DOK6: variants seen among roughly 807,000 people sequenced by gnomAD.
The protein encoded by DOK6 is docking protein 6.
DOK6 carries 22 observed loss-of-function variants against 44.0 expected under a neutral mutation model. The observed-to-expected ratio is 0.50, with a 90% CI of 0.36 to 0.71. The LOEUF (loss-of-function observed/expected upper bound fraction) is 0.71, where lower values mean the gene tolerates loss of function less well. Among genes scored for constraint, DOK6 ranks in the 30% least tolerant of loss-of-function variants. The pLI, the probability that DOK6 is intolerant of heterozygous loss-of-function variation, is 0.00. For missense variants in DOK6, 340 were observed against 416.4 expected, an observed-to-expected ratio of 0.82 and a Z score of 1.60; for synonymous variants, 166 against 145.5, an observed-to-expected ratio of 1.14 and a Z score of -1.01.
intron 1 of DOK6, among the ~76,000 whole-genome samples, chr18:69,546,162 A>G (rs1211472742): frequency 4.6e-5 from 7 of 150,950 alleles, no homozygotes; most frequent in Admixed American, 4.6e-4. Flanking sequence ...CTGTAATCCC[A>G]GCTACTTGGG....
chr18:69,667,551 C>G (rs188362594), intron 3 of DOK6, among the ~76,000 whole-genome samples: 26 of 152,282 alleles, frequency 1.7e-4, no homozygotes, highest in Non-Finnish European at 7.3e-5. Context: ...TAGCTATGCT[C>G]TCCAGGTTGG....
chr18:69,835,743 T>C (rs1982036913), intron 7 of DOK6, among the ~76,000 whole-genome samples: 1 of 152,216 alleles, frequency 6.6e-6, no homozygotes, highest in African/African-American at 2.4e-5. Flanking sequence ...CCTCATCAGA[T>C]GACTTTGTTA....
chr18:69,547,692 C>T lies in DOK6; in HGVS notation c.67-16795C>T, dbSNP rs182953478. On this transcript the variant is annotated intron_variant, in intron 1 of 7. Coordinates refer to ENST00000382713, the MANE Select transcript of DOK6 (RefSeq NM_152721.6). ...TTTGTACTCATTACAACCAATGTCT[C>T]TTCATCCACCCTCATCCATACACCC... Among the ~76,000 whole-genome samples the T allele has an allele frequency of 2.6e-5, 4 of 151,166 alleles. 1 individual carries two copies. Among genetic ancestry groups the T allele is most frequent in the Admixed American group, 2.6e-4 (4 of 15,130 alleles).
intron 2 of DOK6, among the ~76,000 whole-genome samples, chr18:69,587,790 C>CACACACACACACACAA (rs1983539601): frequency 6.6e-6 from 1 of 151,970 alleles, no homozygotes; most frequent in Admixed American, 6.6e-5. Context: ...CACACACACA[C>CACACACACACACACAA]ACACGAGAAG....
chr18:69,584,050 G>A (rs12960840), intron 2 of DOK6, among the ~76,000 whole-genome samples: 1 of 146,278 alleles, frequency 6.8e-6, no homozygotes, highest in Non-Finnish European at 1.5e-5. Flanking sequence ...GGAGCTTGCA[G>A]TGAGCCGAGA....
intron 1 of DOK6, among the ~76,000 whole-genome samples, chr18:69,549,981 A>G (rs943229415): frequency 6.6e-6 from 1 of 150,838 alleles, no homozygotes; most frequent in African/African-American, 2.4e-5. Context: ...CAGTTTTAAT[A>G]TACTTCCTAC....
chr18:69,667,079 C>A (rs758904836), intron 3 of DOK6, among the ~76,000 whole-genome samples: 9 of 152,120 alleles, frequency 5.9e-5, no homozygotes, highest in Non-Finnish European at 8.8e-5. Context: ...TTAATCTCAA[C>A]GTGCCCTTTA....
In DOK6 at chr18:69,579,573, T is replaced by C. The variant is rs187869947; in HGVS notation, c.174+14979T>C. 1.7e-3 allele frequency among the ~76,000 whole-genome samples: 254 copies of C among 150,550 alleles called. 2 individuals carry two copies. The highest frequency in any genetic ancestry group is 4.5e-3 in the African/African-American group (185 of 41,044). ...TGGGCCAAAAGAAGCCAACTTTTCT[T>C]TTTTTTTTTGAGACGGAGTCTTGCT... On this transcript the variant is annotated intron_variant, in intron 2 of 7. Transcript: ENST00000382713.
Position 69,577,715 on chromosome 18 carries a change from C to T in DOK6, c.174+13121C>T, listed in dbSNP as rs140638013. On this transcript the variant is annotated intron_variant, in intron 2 of 7. Transcript: ENST00000382713. ...ATGTTCTGGTTATGAATGGAAAACTCGAAACCAGAGATTAGCGAGAGGCAC... is the reference window on the plus strand; with the variant it reads ...ATGTTCTGGTTATGAATGGAAAACTTGAAACCAGAGATTAGCGAGAGGCAC... Among the ~76,000 whole-genome samples the T allele has an allele frequency of 3.4e-3, 523 of 152,212 alleles. 2 individuals carry two copies. The highest frequency in any genetic ancestry group is 0.012 in the African/African-American group (488 of 41,532).
chr18:69,532,708 A>T (rs944415167), intron 1 of DOK6: 10 of 152,112 alleles, frequency 6.6e-5, no homozygotes, highest in African/African-American at 2.4e-4. Flanking sequence ...AAAAATTTTT[A>T]AAAATTAGCT....
intron 5 of DOK6, among the ~76,000 whole-genome samples, chr18:69,717,700 C>G (rs1439878289): frequency 6.6e-6 from 1 of 152,174 alleles, no homozygotes; most frequent in Non-Finnish European, 1.5e-5. Flanking sequence ...TCAGCATGCT[C>G]TGGAGCATAG....
chr18:69,847,301 G>A lies in DOK6; in HGVS notation c.*5918G>A, dbSNP rs1051580731. 1 of 152,144 alleles carries A rather than the reference G, an allele frequency of 6.6e-6. No individual in the cohort carries two copies. Among genetic ancestry groups the A allele is most frequent in the African/African-American group, 2.4e-5 (1 of 41,434 alleles). The allele number at this position is 152,144 out of a possible 1,614,324, so 9.4% of individuals were successfully genotyped here. A position where few individuals can be genotyped will look rare whatever the true frequency, so the allele number is the denominator to read the frequency against. ...TGCTTTTAGGATGATTTTAGACTGT[G>A]AGCATAAAATCAACCCTTTCTGTCA... On this transcript the variant is annotated 3_prime_UTR_variant, in exon 8 of 8. Transcript: ENST00000382713.
chr18:69,760,388 T>C (rs550869615), intron 7 of DOK6, among the ~76,000 whole-genome samples: 2 of 152,230 alleles, frequency 1.3e-5, no homozygotes, highest in South Asian at 2.1e-4. Flanking sequence ...CCCAGCACTT[T>C]GAGAGTTTGA....
chr18:69,531,298 A>ATATT (rs1250742234), intron 1 of DOK6, among the ~76,000 whole-genome samples: 1 of 148,000 alleles, frequency 6.8e-6, no homozygotes, highest in Non-Finnish European at 1.5e-5. Context: ...TATATTATAT[A>ATATT]TATTTTAATG....
At position 69,553,505 on chromosome 18, in the gene DOK6, G is replaced by A. The variant is rs537194656; in HGVS notation, c.67-10982G>A. On this transcript the variant is annotated intron_variant, in intron 1 of 7. Coordinates refer to ENST00000382713, the MANE Select transcript of DOK6 (RefSeq NM_152721.6). ...TTTGGAGACAGACAAATGCATTAGA[G>A]TTTTCATAGCACCACTTGGTTTTGT... is the stretch of plus-strand genomic sequence containing the variant. Among the ~76,000 whole-genome samples the A allele has an allele frequency of 1.8e-3, 273 of 152,272 alleles. 1 individual carries two copies. The highest frequency in any genetic ancestry group is 0.014 in the Middle Eastern group (4 of 294).
chr18:69,737,346 A>G (rs1027701920), intron 5 of DOK6, among the ~76,000 whole-genome samples: 1 of 152,180 alleles, frequency 6.6e-6, no homozygotes, highest in Non-Finnish European at 1.5e-5. Flanking sequence ...AAGAACTTCC[A>G]AACACTTAAA....
intron 7 of DOK6, among the ~76,000 whole-genome samples, chr18:69,791,438 A>T (rs866466435): frequency 1.3e-5 from 2 of 152,134 alleles, no homozygotes; most frequent in Non-Finnish European, 2.9e-5. Flanking sequence ...CTTTGAATAA[A>T]AGCCATTTTA....
intron 7 of DOK6, among the ~76,000 whole-genome samples, chr18:69,801,049 G>A (rs1980889400): frequency 6.6e-6 from 1 of 151,900 alleles, no homozygotes; most frequent in Non-Finnish European, 1.5e-5. Context: ...TGGTATTTGG[G>A]TATAAACATA....
chr18:69,632,020 T>C (rs548950859), intron 3 of DOK6, among the ~76,000 whole-genome samples: 37 of 152,340 alleles, frequency 2.4e-4, no homozygotes, highest in Middle Eastern at 6.8e-3. Flanking sequence ...ACATGACTAT[T>C]GAATAAATGC....
Sources: gnomAD v4.1 joint callset for allele counts (sites outside exome capture counted in the v4.1 genomes callset) on GRCh38, gnomAD v4.1.1 for gene constraint, MANE v1.5 for transcripts, NCBI Gene and HGNC (gene_info 2026-07-23, HGNC 2026-07-21) for gene names.